Variants in TET2 observed in about 807,000 individuals in gnomAD.
The protein encoded by TET2 is methylcytosine dioxygenase TET2.
A neutral mutation model predicts 142.9 loss-of-function variants in TET2; 299 were observed. That is an observed-to-expected ratio of 2.09 (90% confidence interval 1.90 to 2.30). The LOEUF (loss-of-function observed/expected upper bound fraction) is 2.30, where lower values mean the gene tolerates loss of function less well. Ranked by LOEUF, TET2 falls within the 30% of genes most tolerant of loss-of-function variation. The probability of loss-of-function intolerance (pLI) is 0.00; values close to 1 mark genes in which losing one functional copy is unlikely to be tolerated. For missense variants in TET2, 2,418 were observed against 2,378.0 expected (o/e 1.02, Z -0.35); for synonymous variants, 819 against 849.0 (o/e 0.96, Z 0.61).
At chr4:105,258,109 CACAGAGCTCACTCTTCTCACT>C (rs1429953701) in intron 6 of TET2, among the ~76,000 whole-genome samples, 4 of 152,128 alleles carry the variant, frequency 2.6e-5, no homozygotes, top group Non-Finnish European at 5.9e-5. Flanking sequence ...GTTAAAATAC[CACAGAGCTCACTCTTCTCACT>C]GAAATCCTGT....
In TET2 at chr4:105,240,596, C is replaced by T. The variant is rs1325093042; in HGVS notation, c.3410-743C>T. The T allele has an allele frequency of 2.8e-5, 30 of 1,079,434 alleles. No homozygotes were observed. The East Asian group carries it at 4.0e-4, about 14-fold the overall frequency. 66.9% of individuals were successfully genotyped at this position (1,079,434 alleles called of 1,614,324 possible). A position where few individuals can be genotyped will look rare whatever the true frequency, so the allele number is the denominator to read the frequency against. Reference sequence around the variant, plus strand: ...GGAGGACTCCTACTGTCCCTCTTTGCGTGTGGTTATTAAGTTGCCTCACTG... The same window carrying T: ...GGAGGACTCCTACTGTCCCTCTTTGTGTGTGGTTATTAAGTTGCCTCACTG... On this transcript the variant is annotated intron_variant, in intron 3 of 10. Coordinates refer to ENST00000380013, the MANE Select transcript of TET2 (RefSeq NM_001127208.3).
At chr4:105,261,731 A>C (rs774704386) in intron 7 of TET2, 28 bp from the exon 8 acceptor site, 8 of 1,357,928 alleles carry the variant, frequency 5.9e-6, no homozygotes, top group African/African-American at 5.8e-5. Context: ...CTTAGAATTT[A>C]ATATGTAGAA....
At chr4:105,237,736 C>T (rs1729044057) in intron 3 of TET2, 1 of 1,208,204 alleles carries the variant, frequency 8.3e-7, no homozygotes, top group Middle Eastern at 3.4e-4. Context: ...CATAGGCAGT[C>T]TAATGTACGA....
chr4:105,226,811 T>C (rs1403552254), intron 2 of TET2, among the ~76,000 whole-genome samples: 1 of 152,170 alleles, frequency 6.6e-6, no homozygotes, highest in Non-Finnish European at 1.5e-5. Context: ...ACCTATTTTC[T>C]TATAAATTAC....
At chr4:105,229,229 A>C (rs1728353157) in intron 2 of TET2, among the ~76,000 whole-genome samples, 1 of 152,218 alleles carries the variant, frequency 6.6e-6, no homozygotes, top group Non-Finnish European at 1.5e-5. Flanking sequence ...GATGATGTAT[A>C]TCTAGACCAT....
intron 10 of TET2, among the ~76,000 whole-genome samples, chr4:105,273,593 A>G (rs1005372756): frequency 6.6e-6 from 1 of 152,228 alleles, no homozygotes; most frequent in Non-Finnish European, 1.5e-5. Flanking sequence ...CACTGGAATG[A>G]AAGAGAAGAA....
At chr4:105,214,782 C>T (rs1448211687) in intron 2 of TET2, among the ~76,000 whole-genome samples, 2 of 152,086 alleles carry the variant, frequency 1.3e-5, no homozygotes, top group Admixed American at 6.6e-5. Context: ...CCAGGGAGGA[C>T]TTAGAAGCTC....
intron 6 of TET2, among the ~76,000 whole-genome samples, chr4:105,258,537 T>C (rs991302216): frequency 2.0e-5 from 3 of 152,134 alleles, no homozygotes; most frequent in African/African-American, 7.2e-5. Flanking sequence ...GTCATTACTT[T>C]TAGGCTTTTT....
At chr4:105,212,502 C>A (rs184137089) in intron 2 of TET2, among the ~76,000 whole-genome samples, 4 of 152,144 alleles carry the variant, frequency 2.6e-5, no homozygotes, top group Admixed American at 2.6e-4. Context: ...TGGGTATACA[C>A]ACATATATAC....
At chr4:105,255,445 T>C (rs1233029438) in intron 6 of TET2, among the ~76,000 whole-genome samples, 1 of 152,224 alleles carries the variant, frequency 6.6e-6, no homozygotes, top group Non-Finnish European at 1.5e-5. Flanking sequence ...TTGAGAAGAA[T>C]GTGTATATTC....
intron 1 of TET2, chr4:105,147,627 G>T (rs1480570645): frequency 1.3e-5 from 2 of 152,124 alleles, no homozygotes; most frequent in South Asian, 4.1e-4. Context: ...AGTGAAAGAG[G>T]AAAGAATAGT....
chr4:105,259,797 C>T (rs1028928646), intron 7 of TET2, 28 bp downstream of exon 7: 15 of 1,541,216 alleles, frequency 9.7e-6, no homozygotes, highest in Admixed American at 4.0e-5. Context: ...TGTATAATCG[C>T]TTTATTTTTC....
At chr4:105,249,788 A>G (rs1045091583) in intron 6 of TET2, among the ~76,000 whole-genome samples, 2 of 152,230 alleles carry the variant, frequency 1.3e-5, no homozygotes, top group Admixed American at 1.3e-4. Flanking sequence ...TTGTAAGAAT[A>G]TGTTATGTTG....
intron 6 of TET2, among the ~76,000 whole-genome samples, chr4:105,248,036 A>G (rs1174645759): frequency 2.0e-5 from 3 of 152,120 alleles, no homozygotes; most frequent in Admixed American, 6.6e-5. Context: ...TTTAAGTAAT[A>G]TAAGTATGTG....
At chr4:105,182,574 G>T (rs1040225382) in intron 1 of TET2, among the ~76,000 whole-genome samples, 6 of 152,134 alleles carry the variant, frequency 3.9e-5, no homozygotes, top group African/African-American at 1.4e-4. Context: ...AACAAACCAG[G>T]TAAACATAAC....
At chr4:105,220,234 C>T (rs1157976586) in intron 2 of TET2, among the ~76,000 whole-genome samples, 1 of 152,010 alleles carries the variant, frequency 6.6e-6, no homozygotes, top group East Asian at 1.9e-4. Context: ...TGTAATGGTT[C>T]TATTGGAAAA....
Position 105,234,139 on chromosome 4 carries a change from T to G in TET2, c.197T>G (p.Met66Arg). The change falls in exon 3 of 11, where the codon ATG (methionine) becomes AGG (arginine). Residue 66 changes from methionine to arginine, a missense_variant. Coordinates refer to ENST00000380013, the MANE Select transcript of TET2 (RefSeq NM_001127208.3). ...SFKSYYGIPC[M>R]KGSQNSRVSP... The stretch of plus-strand genomic sequence containing the variant: ...AAAAGTTATTATGGAATACCCTGTA[T>G]GAAGGGAAGCCAGAATAGTCGTGTG... The G allele has an allele frequency of 6.2e-7, 1 of 1,614,182 alleles. No individual in the cohort carries two copies. Among genetic ancestry groups the G allele is most frequent in the Non-Finnish European group, 8.5e-7 (1 of 1,180,010 alleles).
chr4:105,256,347 A>T (rs772524106), intron 6 of TET2, among the ~76,000 whole-genome samples: 7 of 152,126 alleles, frequency 4.6e-5, no homozygotes, highest in Non-Finnish European at 8.8e-5. Context: ...CTAATTTATT[A>T]TATAATACAT....
chr4:105,268,258 T>C (rs867475055), intron 8 of TET2, among the ~76,000 whole-genome samples: 4 of 152,198 alleles, frequency 2.6e-5, no homozygotes, highest in African/African-American at 9.6e-5. Context: ...TGTATTTTTA[T>C]ATACTAGCAA....
Sources: gnomAD v4.1 joint callset for allele counts (sites outside exome capture counted in the v4.1 genomes callset) on GRCh38, gnomAD v4.1.1 for gene constraint, MANE v1.5 for transcripts, NCBI Gene and HGNC (gene_info 2026-07-23, HGNC 2026-07-21) for gene names.